The following THAP6 variants were observed in gnomAD, a reference collection of about 807,000 sequenced individuals.
The protein encoded by THAP6 is THAP domain-containing protein 6.
A neutral mutation model predicts 20.0 loss-of-function variants in THAP6; 13 were observed. The ratio of observed to expected loss-of-function variants is 0.65; its 90% CI spans 0.42 to 1.03. THAP6 has a LOEUF of 1.03. Ranked by LOEUF, THAP6 falls within the 50% of genes least tolerant of loss-of-function variation. THAP6 has a pLI of 0.00. For missense variants in THAP6, 262 were observed against 261.6 expected, an observed-to-expected ratio of 1.00 and a Z score of -0.01; for synonymous variants, 93 against 92.2, an observed-to-expected ratio of 1.01 and a Z score of -0.05.
chr4:75,532,188 C>T (rs1726701764), downstream of THAP6, among the ~76,000 whole-genome samples: 1 of 152,166 alleles, frequency 6.6e-6, no homozygotes, highest in Non-Finnish European at 1.5e-5. Flanking sequence ...GAGGTACAGG[C>T]ATTAGGTAAA....
intron 4 of THAP6, among the ~76,000 whole-genome samples, chr4:75,525,357 T>C (rs1726298307): frequency 6.6e-6 from 1 of 152,208 alleles, no homozygotes. Context: ...TACTGGATAG[T>C]TCCTGTTGCT....
chr4:75,529,603 G>T lies in THAP6; in HGVS notation c.*2389G>T, dbSNP rs1726595176. 1 of 985,390 alleles carries T rather than the reference G, an allele frequency of 1.0e-6. No homozygotes were observed. Among genetic ancestry groups the T allele is most frequent in the Non-Finnish European group, 1.2e-6 (1 of 829,932 alleles). 61.0% of individuals were successfully genotyped at this position (985,390 alleles called of 1,614,324 possible). The stretch of plus-strand genomic sequence containing the variant: ...AACACAGTATGTATCTCAGTCCTCT[G>T]TTCCCAGAGATTCCACCCTAGCCCA... On this transcript the variant is annotated 3_prime_UTR_variant, in exon 5 of 5. Coordinates refer to ENST00000311638, the MANE Select transcript of THAP6 (RefSeq NM_144721.6).
rs540944702 is a variant in THAP6 at position 75,528,208 on chromosome 4, G to A, written c.*994G>A. 2 of 985,352 alleles carry A rather than the reference G, an allele frequency of 2.0e-6. No homozygotes were observed. The highest frequency in any genetic ancestry group is 1.0e-3 in the Middle Eastern group (2 of 1,914). The allele number at this position is 985,352 out of a possible 1,614,324, so 61.0% of individuals were successfully genotyped here. A position where few individuals can be genotyped will look rare whatever the true frequency, so the allele number is the denominator to read the frequency against. On this transcript the variant is annotated 3_prime_UTR_variant, in exon 5 of 5. Coordinates refer to ENST00000311638, the MANE Select transcript of THAP6 (RefSeq NM_144721.6). ...ATTATTGTCCAAAGGCTTTTATTTAGAGAAACGGGTAATTAAAACAGCAGC... is the reference window on the plus strand; with the variant it reads ...ATTATTGTCCAAAGGCTTTTATTTAAAGAAACGGGTAATTAAAACAGCAGC...
intron 3 of THAP6, among the ~76,000 whole-genome samples, chr4:75,547,086 A>G (rs1560555094): frequency 6.6e-6 from 1 of 152,184 alleles, no homozygotes; most frequent in Admixed American, 6.5e-5. Context: ...CCTGCCCCCA[A>G]GTCCTTCCCT....
In THAP6 at chr4:75,515,529, A is replaced by G; in HGVS notation, c.77A>G (p.His26Arg). Residue 26 changes from histidine (H) to arginine (R), a missense_variant, in exon 2 of 5, where the codon CAC becomes CGC. By Grantham distance (29) the His-to-Arg change is conservative (BLOSUM62 0). Coordinates refer to ENST00000311638, the MANE Select transcript of THAP6 (RefSeq NM_144721.6). ...TCGAAGTTAAAAGGACTGACATTTC[A>G]CGTGTAAGATTTTGCTGTAGTTAAG... ...PNSKLKGLTFHVFPTDENIKR... is the reference protein window; with the variant it reads ...PNSKLKGLTFRVFPTDENIKR... 6.2e-7 allele frequency: 1 copy of G among 1,613,652 alleles called. No homozygotes were observed. The highest frequency in any genetic ancestry group is 8.5e-7 in the Non-Finnish European group (1 of 1,179,564).
chr4:75,521,420 G>T (rs1726018832), intron 3 of THAP6, among the ~76,000 whole-genome samples: 1 of 151,892 alleles, frequency 6.6e-6, no homozygotes, highest in Admixed American at 6.6e-5. Flanking sequence ...CTATCTACTT[G>T]ATGATCTATT....
intron 3 of THAP6, 164 bp downstream of exon 3, chr4:75,517,143 G>T: frequency 1.8e-6 from 1 of 542,728 alleles, no homozygotes; most frequent in South Asian, 2.8e-5. Context: ...TCAGCCTCCC[G>T]AGAAGCTGGG....
intron 3 of THAP6, among the ~76,000 whole-genome samples, chr4:75,545,305 C>T (rs1727100688): frequency 6.6e-6 from 1 of 152,146 alleles, no homozygotes; most frequent in African/African-American, 2.4e-5. Context: ...TTGACGTGGG[C>T]ATTACTCTGC....
rs773062167 is a variant in THAP6 at position 75,529,010 on chromosome 4, G to A, written c.*1796G>A. The A allele has an allele frequency of 1.5e-4, 98 of 638,994 alleles. No homozygotes were observed. The highest frequency in any genetic ancestry group is 1.8e-4 in the Non-Finnish European group (94 of 514,148). The allele number at this position is 638,994 out of a possible 1,614,324, so 39.6% of individuals were successfully genotyped here. A position where few individuals can be genotyped will look rare whatever the true frequency, so the allele number is the denominator to read the frequency against. On this transcript the variant is annotated 3_prime_UTR_variant, in exon 5 of 5. Coordinates refer to ENST00000311638, the MANE Select transcript of THAP6 (RefSeq NM_144721.6). ...GGAGATTGCAGTGAGCCAAGATCAC[G>A]CCGTTGCACTCCAGCCTGAGCAACA...
chr4:75,532,705 G>A (rs562003514), downstream of THAP6, among the ~76,000 whole-genome samples: 1 of 152,318 alleles, frequency 6.6e-6, no homozygotes, highest in South Asian at 2.1e-4. Flanking sequence ...CTCAGTTCTT[G>A]ACTTCTGTGC....
intron 3 of THAP6, among the ~76,000 whole-genome samples, chr4:75,521,153 T>G (rs1341876530): frequency 6.6e-6 from 1 of 151,598 alleles, no homozygotes; most frequent in East Asian, 1.9e-4. Flanking sequence ...AAATTCAGGC[T>G]TTTTTCAATG....
chr4:75,529,092 T>C lies in THAP6; in HGVS notation c.*1878T>C. Reference sequence around the variant, plus strand: ...ACTTTCATTAATTACCCATTATTTATTTTAGTTACTTAATTTTGAGTTCAT... The same window carrying C: ...ACTTTCATTAATTACCCATTATTTACTTTAGTTACTTAATTTTGAGTTCAT... On this transcript the variant is annotated 3_prime_UTR_variant, in exon 5 of 5. Coordinates refer to ENST00000311638, the MANE Select transcript of THAP6 (RefSeq NM_144721.6). 3.1e-6 allele frequency: 3 copies of C among 966,868 alleles called. No homozygotes were observed. The highest frequency in any genetic ancestry group is 3.7e-6 in the Non-Finnish European group (3 of 813,062). 59.9% of individuals were successfully genotyped at this position (966,868 alleles called of 1,614,324 possible).
At position 75,528,577 on chromosome 4, in the gene THAP6, T is replaced by C. The variant is rs1726520407; in HGVS notation, c.*1363T>C. The C allele has an allele frequency of 7.1e-6, 7 of 983,052 alleles. No homozygotes were observed. The South Asian group carries it at 2.8e-4, about 40-fold the overall frequency. The allele number at this position is 983,052 out of a possible 1,614,324, so 60.9% of individuals were successfully genotyped here. A position where few individuals can be genotyped will look rare whatever the true frequency, so the allele number is the denominator to read the frequency against. On this transcript the variant is annotated 3_prime_UTR_variant, in exon 5 of 5. Transcript: ENST00000311638. ...TTAATATTAGTTAAGATATGGTCAC[T>C]TGAATTTTTTGTATTTAAGAATTTT...
intron 2 of THAP6, among the ~76,000 whole-genome samples, chr4:75,515,826 T>C (rs548366060): frequency 1.4e-4 from 21 of 152,382 alleles, no homozygotes; most frequent in African/African-American, 4.8e-4. Flanking sequence ...AAATTCAATG[T>C]TGTTTACATG....
chr4:75,527,344 T>C lies in THAP6; in HGVS notation c.*130T>C. 1 of 1,475,412 alleles carries C rather than the reference T, an allele frequency of 6.8e-7. No individual in the cohort carries two copies. The highest frequency in any genetic ancestry group is 1.9e-4 in the Middle Eastern group (1 of 5,166). The allele number at this position is 1,475,412 out of a possible 1,614,324, so 91.4% of individuals were successfully genotyped here. A position where few individuals can be genotyped will look rare whatever the true frequency, so the allele number is the denominator to read the frequency against. On this transcript the variant is annotated 3_prime_UTR_variant, in exon 5 of 5. Coordinates refer to ENST00000311638, the MANE Select transcript of THAP6 (RefSeq NM_144721.6). ...GGATTCTCTGGAGCATTATGCATTATAGTTGTTATCCAAAGACTTTTTTGA... is the reference window on the plus strand; with the variant it reads ...GGATTCTCTGGAGCATTATGCATTACAGTTGTTATCCAAAGACTTTTTTGA...
At chr4:75,535,714 GTGCT>G (rs1726830932) in intron 2 of THAP6, among the ~76,000 whole-genome samples, 1 of 152,082 alleles carries the variant, frequency 6.6e-6, no homozygotes, top group Non-Finnish European at 1.5e-5. Flanking sequence ...ACTTACTATG[GTGCT>G]TACTTAGTAC....
chr4:75,529,970 TGAGA>T lies in THAP6; in HGVS notation c.*2763_*2766del, dbSNP rs895903624. 2.0e-4 allele frequency: 175 copies of T among 877,142 alleles called. No homozygotes were observed. The highest frequency in any genetic ancestry group is 1.2e-3 in the Middle Eastern group (2 of 1,734). 54.3% of individuals were successfully genotyped at this position (877,142 alleles called of 1,614,324 possible). A position where few individuals can be genotyped will look rare whatever the true frequency, so the allele number is the denominator to read the frequency against. On this transcript the variant is annotated 3_prime_UTR_variant, in exon 5 of 5. Coordinates refer to ENST00000311638, the MANE Select transcript of THAP6 (RefSeq NM_144721.6). ...AAGATAAAATTATTACAGAAATAATTGAGAGAGAGAAAATCTATTATAATTTATT... is the reference window on the plus strand; with the variant it reads ...AAGATAAAATTATTACAGAAATAATTGAGAGAAAATCTATTATAATTTATT...
downstream of THAP6, among the ~76,000 whole-genome samples, chr4:75,533,095 A>G (rs1221160124): frequency 1.3e-5 from 2 of 152,112 alleles, no homozygotes; most frequent in Non-Finnish European, 2.9e-5. Context: ...AATTTTCTGA[A>G]CTTTTATGCT....
upstream of THAP6, chr4:75,514,045 G>T: frequency 2.4e-6 from 3 of 1,237,810 alleles, no homozygotes; most frequent in Non-Finnish European, 3.3e-6. Flanking sequence ...TGCCAAAAAC[G>T]TTCTCCTCAA....
Sources: gnomAD v4.1 joint callset for allele counts (sites outside exome capture counted in the v4.1 genomes callset) on GRCh38, gnomAD v4.1.1 for gene constraint, MANE v1.5 for transcripts, NCBI Gene and HGNC (gene_info 2026-07-23, HGNC 2026-07-21) for gene names.